Variants in SMYD4 observed in about 807,000 individuals in gnomAD.
The protein encoded by SMYD4 is SET and MYND domain containing 4, also known as protein-lysine N-methyltransferase SMYD4.
SMYD4 carries 68 observed loss-of-function variants against 72.8 expected under a neutral mutation model. The observed-to-expected ratio is 0.93, with a 90% CI of 0.77 to 1.14. The LOEUF (loss-of-function observed/expected upper bound fraction) is 1.14. SMYD4 is among the 50% of genes most tolerant of loss of function. The probability of loss-of-function intolerance (pLI) is 0.00; values close to 1 mark genes in which losing one functional copy is unlikely to be tolerated. For missense variants in SMYD4, 984 were observed against 1,003.7 expected (o/e 0.98, Z 0.27); for synonymous variants, 407 against 388.6 (o/e 1.05, Z -0.56).
At chr17:1,809,794 T>C (rs1294370728) in intron 3 of SMYD4, among the ~76,000 whole-genome samples, 1 of 152,078 alleles carries the variant, frequency 6.6e-6, no homozygotes, top group Non-Finnish European at 1.5e-5. Flanking sequence ...CTCAGCCTCC[T>C]GAGTAGGTGG....
intron 2 of SMYD4, among the ~76,000 whole-genome samples, chr17:1,823,380 C>T (rs1346995758): frequency 4.5e-5 from 5 of 111,064 alleles, no homozygotes; most frequent in East Asian, 2.6e-4. Context: ...GGTGACAGAG[C>T]GAGACTCCGT....
At chr17:1,828,881 G>C (rs540021105) in intron 1 of SMYD4, among the ~76,000 whole-genome samples, 5 of 152,126 alleles carry the variant, frequency 3.3e-5, no homozygotes, top group African/African-American at 1.2e-4. Flanking sequence ...ACAGGCGTGA[G>C]CCACCGCGCC....
At chr17:1,811,053 GA>G (rs1180304516) in intron 3 of SMYD4, among the ~76,000 whole-genome samples, 1 of 152,244 alleles carries the variant, frequency 6.6e-6, no homozygotes, top group Non-Finnish European at 1.5e-5. Flanking sequence ...CTGTCCTTGC[GA>G]CAAGGTGGAG....
chr17:1,781,386 G>C lies in SMYD4; in HGVS notation c.2315C>G (p.Ser772Trp), dbSNP rs751208484. 1.9e-6 allele frequency: 3 copies of C among 1,613,974 alleles called. No individual in the cohort carries two copies. The highest frequency in any genetic ancestry group is 2.5e-6 in the Non-Finnish European group (3 of 1,180,016). Residue 772 changes from serine (S) to tryptophan (W), a missense_variant, in exon 11 of 11, where the codon TCG becomes TGG. Ser to Trp is a radical substitution (Grantham distance 177, BLOSUM62 -3). Transcript: ENST00000305513. ...ATCGTCCCATGGGCCACAGTGCAGCGACAGAACCTCCTCAGCTTTCTGTAT... is the reference window on the plus strand; with the variant it reads ...ATCGTCCCATGGGCCACAGTGCAGCCACAGAACCTCCTCAGCTTTCTGTAT... ...STIQKAEEVL[S>W]LHCGPWDDEI...
intron 3 of SMYD4, among the ~76,000 whole-genome samples, chr17:1,807,439 G>A (rs986866902): frequency 1.1e-4 from 14 of 131,934 alleles, no homozygotes; most frequent in Middle Eastern, 4.0e-3. Flanking sequence ...CCCCCACACC[G>A]GCAACCCCGC....
intron 5 of SMYD4, among the ~76,000 whole-genome samples, chr17:1,792,777 A>G (rs1909128505): frequency 1.3e-5 from 2 of 152,160 alleles, no homozygotes; most frequent in East Asian, 3.8e-4. Context: ...GTGCTTGCTC[A>G]CGTGTGCTTT....
At chr17:1,803,953 G>A (rs1909903818) in intron 4 of SMYD4, among the ~76,000 whole-genome samples, 1 of 150,666 alleles carries the variant, frequency 6.6e-6, no homozygotes, top group Admixed American at 6.6e-5. Flanking sequence ...TGGGCTCACT[G>A]CAACCTCTGC....
At chr17:1,782,982 A>G (rs773915603) in intron 10 of SMYD4, 53 bp downstream of exon 10, 1 of 1,566,938 alleles carries the variant, frequency 6.4e-7, no homozygotes, top group Non-Finnish European at 8.6e-7. Context: ...TAATACCCAG[A>G]AGAGCCTAGG....
chr17:1,792,447 G>C (rs994546862), intron 5 of SMYD4, among the ~76,000 whole-genome samples: 1 of 152,088 alleles, frequency 6.6e-6, no homozygotes, highest in Non-Finnish European at 1.5e-5. Context: ...AGGAGATGGA[G>C]ACCACCTTGC....
At chr17:1,803,114 C>A (rs1418414591) in intron 4 of SMYD4, among the ~76,000 whole-genome samples, 1 of 152,168 alleles carries the variant, frequency 6.6e-6, no homozygotes, top group East Asian at 1.9e-4. Context: ...TGCACTGACG[C>A]CTGGGCGACA....
chr17:1,794,416 G>A (rs2151228215), intron 5 of SMYD4, among the ~76,000 whole-genome samples: 1 of 151,484 alleles, frequency 6.6e-6, no homozygotes, highest in African/African-American at 2.4e-5. Context: ...AACACGCCCG[G>A]CCATCCTTTA....
chr17:1,811,875 T>A (rs1451292877), intron 3 of SMYD4, 96 bp downstream of exon 3: 2 of 1,346,440 alleles, frequency 1.5e-6, no homozygotes, highest in East Asian at 2.3e-5. Flanking sequence ...TGCAGTGAGC[T>A]GAGATTATAC....
At chr17:1,810,574 G>A (rs976050686) in intron 3 of SMYD4, among the ~76,000 whole-genome samples, 5 of 152,216 alleles carry the variant, frequency 3.3e-5, no homozygotes, top group Non-Finnish European at 7.3e-5. Context: ...AGGGGGGCAG[G>A]GAACTGCTGT....
intron 3 of SMYD4, among the ~76,000 whole-genome samples, chr17:1,811,432 C>T (rs113461755): frequency 6.6e-6 from 1 of 152,204 alleles, no homozygotes; most frequent in African/African-American, 2.4e-5. Flanking sequence ...ATCCTCCCGA[C>T]TCAGCCTCCC....
rs372403192 is a variant in SMYD4, at chr17:1,798,453, A to G, written c.1537+1404T>C. ...CTTGCTATTACTATTTATTTGAGAC[A>G]GTTTTCCTTCATAACCAAAAAAATT... On this transcript the variant is annotated intron_variant, in intron 5 of 10. Coordinates refer to ENST00000305513, the MANE Select transcript of SMYD4 (RefSeq NM_052928.3). 5.9e-5 allele frequency among the ~76,000 whole-genome samples: 9 copies of G among 152,174 alleles called. No homozygotes were observed. In the South Asian group the frequency reaches 1.2e-3, roughly 21 times the overall value.
At chr17:1,799,767 A>C in intron 5 of SMYD4, 90 bp downstream of exon 5, 1 of 1,264,168 alleles carries the variant, frequency 7.9e-7, no homozygotes, top group South Asian at 1.6e-5. Context: ...GATTTGTTTG[A>C]ATCCTATTTT....
intron 5 of SMYD4, among the ~76,000 whole-genome samples, chr17:1,791,852 AC>A (rs1909047388): frequency 6.6e-6 from 1 of 152,178 alleles, no homozygotes; most frequent in Admixed American, 6.6e-5. Flanking sequence ...GCCCCACTGC[AC>A]TCCAGCCTAA....
chr17:1,794,105 A>ATATATATATATATATATCTATATATATT (rs1291818005), intron 5 of SMYD4, among the ~76,000 whole-genome samples: 1 of 12,982 alleles, frequency 7.7e-5, no homozygotes, highest in African/African-American at 3.6e-4. Context: ...ATATATATAT[A>ATATATATATATATATATCTATATATATT]TTTTTTTTTT....
rs1006434247 is a variant in SMYD4 at position 1,827,060 on chromosome 17, T to G, written c.134+801A>C. On this transcript the variant is annotated intron_variant, in intron 2 of 10. Transcript: ENST00000305513. Reference sequence around the variant, plus strand: ...CCTAGCTATTTGGGACGCTGAGGCATGAGAATCGCTTGAACCCAGGAGGTG... The same window carrying G: ...CCTAGCTATTTGGGACGCTGAGGCAGGAGAATCGCTTGAACCCAGGAGGTG... Among the ~76,000 whole-genome samples the G allele has an allele frequency of 3.3e-5, 5 of 152,026 alleles. No homozygotes were observed. The South Asian group carries it at 1.0e-3, about 32-fold the overall frequency.
Sources: gnomAD v4.1 joint callset for allele counts (sites outside exome capture counted in the v4.1 genomes callset) on GRCh38, gnomAD v4.1.1 for gene constraint, MANE v1.5 for transcripts, NCBI Gene and HGNC (gene_info 2026-07-23, HGNC 2026-07-21) for gene names.